Variants in SLC36A3 observed in about 807,000 individuals in gnomAD.
SLC36A3 encodes solute carrier family 36 member 3, also known as proton-coupled amino acid transporter 3.
Under a neutral mutation model 44.3 loss-of-function variants are expected in SLC36A3, and 35 were observed. The ratio of observed to expected loss-of-function variants is 0.79; its 90% CI spans 0.60 to 1.05. The LOEUF (loss-of-function observed/expected upper bound fraction) is 1.05, where lower values mean the gene tolerates loss of function less well. SLC36A3 is among the 50% of genes least tolerant of loss of function. The pLI, the probability that SLC36A3 is intolerant of heterozygous loss-of-function variation, is 0.00. For synonymous variants in SLC36A3, 211 were observed against 227.6 expected, an observed-to-expected ratio of 0.93 and a Z score of 0.66; for missense variants, 540 against 578.7, an observed-to-expected ratio of 0.93 and a Z score of 0.69.
Position 151,287,238 on chromosome 5 carries a change from G to A in SLC36A3, c.708+8C>T. ...GGACCCTGATCCTTTCTTCCCTATG[G>A]CACAGACCTCCATGATATACTCAAA... On this transcript the variant is annotated splice_region_variant and intron_variant, in intron 6 of 9. Coordinates refer to ENST00000335230, the MANE Select transcript of SLC36A3 (RefSeq NM_181774.4). 1 of 1,613,814 alleles carries A rather than the reference G, an allele frequency of 6.2e-7. No homozygotes were observed. Among genetic ancestry groups the A allele is most frequent in the Non-Finnish European group, 8.5e-7 (1 of 1,179,848 alleles).
intron 9 of SLC36A3, among the ~76,000 whole-genome samples, chr5:151,280,337 C>T (rs973771734): frequency 2.0e-5 from 3 of 152,080 alleles, no homozygotes; most frequent in Admixed American, 6.6e-5. Context: ...GCCTGTAATC[C>T]CAGCTACTCA....
At chr5:151,277,805 A>G in intron 9 of SLC36A3, 144 bp from the exon 10 acceptor site, 1 of 875,106 alleles carries the variant, frequency 1.1e-6, no homozygotes, top group Non-Finnish European at 1.7e-6. Context: ...AGGTCAGGCA[A>G]CTCCCACCCC....
chr5:151,279,891 C>T (rs892518602), intron 9 of SLC36A3, among the ~76,000 whole-genome samples: 3 of 152,210 alleles, frequency 2.0e-5, no homozygotes, highest in African/African-American at 7.2e-5. Context: ...TTTCTCCCTT[C>T]ACTTTTACAA....
intron 2 of SLC36A3, chr5:151,296,487 G>T: frequency 1.7e-6 from 1 of 590,708 alleles, no homozygotes. Flanking sequence ...GATACTTCCA[G>T]TGACAGAGAG....
intron 4 of SLC36A3, among the ~76,000 whole-genome samples, chr5:151,293,081 G>C (rs1216241298): frequency 6.6e-6 from 1 of 152,124 alleles, no homozygotes; most frequent in Admixed American, 6.5e-5. Context: ...ATTATCCTAA[G>C]TAATGTATAA....
At chr5:151,298,959 G>T (rs1755055952) in intron 1 of SLC36A3, among the ~76,000 whole-genome samples, 1 of 152,174 alleles carries the variant, frequency 6.6e-6, no homozygotes, top group Admixed American at 6.5e-5. Context: ...CTCTAGTACT[G>T]GTTGGTTCAT....
chr5:151,288,209 C>T (rs935894058), intron 5 of SLC36A3, among the ~76,000 whole-genome samples, 177 bp downstream of exon 5: 2 of 152,178 alleles, frequency 1.3e-5, no homozygotes, highest in Non-Finnish European at 1.5e-5. Flanking sequence ...TACTTTAGCT[C>T]GTCTATCCTT....
chr5:151,296,394 C>T (rs983237703), intron 2 of SLC36A3, 126 bp from the exon 3 acceptor site: 2 of 744,792 alleles, frequency 2.7e-6, no homozygotes, highest in African/African-American at 3.5e-5. Context: ...CAGACCCAGC[C>T]TGAATGTCCT....
chr5:151,291,416 C>T (rs1485978283), intron 4 of SLC36A3, among the ~76,000 whole-genome samples: 1 of 152,192 alleles, frequency 6.6e-6, no homozygotes, highest in East Asian at 1.9e-4. Context: ...GTTTTTTAAA[C>T]TGCTACATTC....
intron 4 of SLC36A3, among the ~76,000 whole-genome samples, chr5:151,291,435 C>T (rs1189205533): frequency 1.3e-5 from 2 of 152,134 alleles, no homozygotes; most frequent in Non-Finnish European, 2.9e-5. Context: ...TCCCCTTGCC[C>T]TGTTTATTTT....
rs151103517 is a variant in SLC36A3, at chr5:151,277,358, GAGGA to G, written c.*31_*34del. 725 of 1,608,670 alleles carry G rather than the reference GAGGA, an allele frequency of 4.5e-4. 6 individuals are homozygous for G. In the East Asian group the frequency reaches 0.013, roughly 29 times the overall value. ...CACATGGAAGTCAAACTGGGGATGG[GAGGA>G]AGGGAGAGCTATTAGAATAAAAACA... is the stretch of plus-strand genomic sequence containing the variant. On this transcript the variant is annotated 3_prime_UTR_variant, in exon 10 of 10. Transcript: ENST00000335230.
intron 4 of SLC36A3, among the ~76,000 whole-genome samples, chr5:151,292,970 G>A (rs1754813799): frequency 6.6e-6 from 1 of 151,954 alleles, no homozygotes; most frequent in Non-Finnish European, 1.5e-5. Context: ...AGCAACAAGA[G>A]TGAAACTCTG....
At chr5:151,301,810 T>A (rs140332403) in intron 1 of SLC36A3, among the ~76,000 whole-genome samples, 3,206 of 152,110 alleles carry the variant, frequency 0.021, 43 homozygotes, top group South Asian at 0.04. Flanking sequence ...AATTCCCCTG[T>A]CTTGATAAAT....
chr5:151,299,396 A>T (rs1026608759), intron 1 of SLC36A3, among the ~76,000 whole-genome samples: 12 of 144,896 alleles, frequency 8.3e-5, no homozygotes, highest in East Asian at 2.1e-4. Context: ...TATATATATT[A>T]TATATATATG....
chr5:151,293,232 A>G, intron 4 of SLC36A3, 132 bp downstream of exon 4: 5 of 739,460 alleles, frequency 6.8e-6, no homozygotes, highest in Non-Finnish European at 1.1e-5. Flanking sequence ...GGATGGGGTT[A>G]TCGAGGTGAT....
chr5:151,291,569 T>C (rs552107953), intron 4 of SLC36A3, among the ~76,000 whole-genome samples: 65 of 152,284 alleles, frequency 4.3e-4, no homozygotes, highest in Admixed American at 3.1e-3. Context: ...TGTTCCTCTA[T>C]CCCCCGTGCT....
intron 1 of SLC36A3, among the ~76,000 whole-genome samples, chr5:151,299,264 C>CTCTCTCTCTCTCTCTATATATA (rs1372309288): frequency 8.4e-5 from 5 of 59,646 alleles, no homozygotes; most frequent in East Asian, 5.9e-4. Context: ...CTCTCTCTCT[C>CTCTCTCTCTCTCTCTATATATA]TATATATATA....
chr5:151,281,232 G>A, intron 8 of SLC36A3, 49 bp from the exon 9 acceptor site: 5 of 1,555,378 alleles, frequency 3.2e-6, no homozygotes, highest in Non-Finnish European at 4.4e-6. Flanking sequence ...TCCCCGGAAG[G>A]GCCATTGAGG....
intron 2 of SLC36A3, among the ~76,000 whole-genome samples, 175 bp downstream of exon 2, chr5:151,298,418 G>C (rs1399083569): frequency 6.6e-6 from 1 of 152,162 alleles, no homozygotes; most frequent in Non-Finnish European, 1.5e-5. Flanking sequence ...GCCCCCTTCA[G>C]GGATGCTCAG....
Sources: allele counts gnomAD v4.1 joint callset (sites outside exome capture counted in the v4.1 genomes callset), GRCh38; gene constraint gnomAD v4.1.1; transcripts MANE v1.5; gene names NCBI Gene and HGNC (gene_info 2026-07-23, HGNC 2026-07-21).